The following RGS20 variants were observed in gnomAD, a reference collection of about 807,000 sequenced individuals.
RGS20 encodes the protein gz-selective GTPase-activating protein.
In RGS20, 30 loss-of-function variants were observed where a neutral mutation model predicts 33.6. The observed-to-expected ratio is 0.89, with a 90% CI of 0.67 to 1.21. RGS20 has a LOEUF of 1.21. RGS20 is among the 50% of genes most tolerant of loss of function. The pLI is 0.00. For missense variants in RGS20, 472 were observed against 502.4 expected (o/e 0.94, Z 0.58); for synonymous variants, 208 against 197.9 (o/e 1.05, Z -0.43).
At chr8:53,861,327 C>T (rs776485727) in intron 1 of RGS20, among the ~76,000 whole-genome samples, 7 of 152,202 alleles carry the variant, frequency 4.6e-5, no homozygotes, top group South Asian at 2.1e-4. Context: ...CTTGTGTGAC[C>T]CTCTGTCCTC....
At chr8:53,852,099 G>A (rs201943471) in intron 1 of RGS20, 25 of 1,545,944 alleles carry the variant, frequency 1.6e-5, no homozygotes, top group East Asian at 6.8e-5. Context: ...ATCCTTTCCC[G>A]TCAAGGGAAA....
At chr8:53,901,084 G>A in intron 2 of RGS20, among the ~76,000 whole-genome samples, 1 of 135,210 alleles carries the variant, frequency 7.4e-6, no homozygotes, top group African/African-American at 2.9e-5. Flanking sequence ...TTTTTTTTGA[G>A]ATGGAGTCTT....
chr8:53,880,955 TC>T lies in RGS20; in HGVS notation c.510+1354del. 1 of 1,568,854 alleles carries T rather than the reference TC, an allele frequency of 6.4e-7. No homozygotes were observed. The highest frequency in any genetic ancestry group is 1.3e-5 in the African/African-American group (1 of 74,074). ...GAAAGGCGAAAGGCGCGGTGAGCAATCGCCGACGTAGAGAGGGCAGCCCTCC... is the reference window on the plus strand; with the variant it reads ...GAAAGGCGAAAGGCGCGGTGAGCAATGCCGACGTAGAGAGGGCAGCCCTCC... On this transcript the variant is annotated intron_variant, in intron 2 of 5. The change creates a new upstream start codon in the 5' untranslated region. Transcript: ENST00000297313.
intron 4 of RGS20, among the ~76,000 whole-genome samples, chr8:53,951,791 C>T (rs1367373762): frequency 1.3e-5 from 2 of 151,896 alleles, no homozygotes; most frequent in African/African-American, 2.4e-5. Flanking sequence ...CCGAGGCAGG[C>T]GGATCACCTG....
intron 2 of RGS20, among the ~76,000 whole-genome samples, chr8:53,910,966 CAT>C (rs1370218952): frequency 6.6e-6 from 1 of 152,090 alleles, no homozygotes; most frequent in Non-Finnish European, 1.5e-5. Context: ...TGTAAAGAAA[CAT>C]ACAAACTAGT....
chr8:53,926,182 C>A (rs1035972339), intron 2 of RGS20, among the ~76,000 whole-genome samples: 4 of 152,146 alleles, frequency 2.6e-5, no homozygotes, highest in Non-Finnish European at 1.5e-5. Flanking sequence ...TGTACTGCAG[C>A]CTGGGCAACA....
intron 2 of RGS20, among the ~76,000 whole-genome samples, chr8:53,892,425 G>A (rs942113680): frequency 2.0e-5 from 3 of 152,234 alleles, no homozygotes; most frequent in Non-Finnish European, 2.9e-5. Context: ...CATTGTGGAA[G>A]TCAGTGTGGC....
At chr8:53,885,108 T>C (rs113346204) in intron 2 of RGS20, among the ~76,000 whole-genome samples, 173 of 152,366 alleles carry the variant, frequency 1.1e-3, no homozygotes, top group African/African-American at 3.9e-3. Flanking sequence ...TTTATTATTC[T>C]AGATTTTATG....
At chr8:53,855,343 A>G (rs1359496068) in intron 1 of RGS20, among the ~76,000 whole-genome samples, 1 of 152,144 alleles carries the variant, frequency 6.6e-6, no homozygotes, top group South Asian at 2.1e-4. Flanking sequence ...GGGATTACTG[A>G]CATAAGTCAC....
chr8:53,893,897 C>T (rs1009346827), intron 2 of RGS20, among the ~76,000 whole-genome samples: 1 of 152,026 alleles, frequency 6.6e-6, no homozygotes, highest in African/African-American at 2.4e-5. Flanking sequence ...AAAACTCACC[C>T]GAGCATGTTA....
In RGS20 at chr8:53,877,379, C is replaced by T. The variant is rs576333386; in HGVS notation, c.166-1879C>T. ...AGACGCGGCCGCCGGCCCGCAGTCC[C>T]CCGCAGGTGCCGCCCAGGACTAGCT... On this transcript the variant is annotated intron_variant, in intron 1 of 5. Coordinates refer to ENST00000297313, the MANE Select transcript of RGS20 (RefSeq NM_170587.4). The surrounding 1 kb of genome is among the most constrained non-coding windows in gnomAD (Gnocchi z 5.7). Among the ~76,000 whole-genome samples the T allele has an allele frequency of 6.6e-6, 1 of 152,192 alleles. No homozygotes were observed. The highest frequency in any genetic ancestry group is 2.4e-5 in the African/African-American group (1 of 41,460).
At chr8:53,914,007 TTC>T (rs1226287799) in intron 2 of RGS20, 1 of 152,034 alleles carries the variant, frequency 6.6e-6, no homozygotes, top group Non-Finnish European at 1.5e-5. Flanking sequence ...TTCCTCTTCC[TTC>T]TTTTCTTTTC....
At chr8:53,896,865 G>A (rs1585898079) in intron 2 of RGS20, among the ~76,000 whole-genome samples, 1 of 152,208 alleles carries the variant, frequency 6.6e-6, no homozygotes, top group African/African-American at 2.4e-5. Flanking sequence ...GGCTTTCAGA[G>A]ATTTCAAATT....
At chr8:53,879,160 A>G (rs1211973677) in intron 1 of RGS20, 8 of 981,944 alleles carry the variant, frequency 8.1e-6, no homozygotes, top group Non-Finnish European at 1.2e-5. Flanking sequence ...TTGCACCCCC[A>G]AAGTAACGCT....
chr8:53,946,481 T>G, intron 3 of RGS20, 184 bp from the exon 3 acceptor site: 1 of 686,948 alleles, frequency 1.5e-6, no homozygotes, highest in Admixed American at 2.3e-5. Flanking sequence ...TATTTATATT[T>G]CTAGTACCTT....
intron 2 of RGS20, among the ~76,000 whole-genome samples, chr8:53,923,391 T>C (rs893790003): frequency 2.0e-5 from 3 of 152,126 alleles, no homozygotes. Flanking sequence ...ACTCAAGAGT[T>C]TGAGACCAGC....
At chr8:53,931,973 C>T (rs6984470) in intron 2 of RGS20, among the ~76,000 whole-genome samples, 42,830 of 152,046 alleles carry the variant, frequency 0.28, 6,233 homozygotes, top group African/African-American at 0.35. Flanking sequence ...TCTCTCAGCA[C>T]TTGCCTGTCT....
At chr8:53,925,159 A>G (rs779101723) in intron 2 of RGS20, among the ~76,000 whole-genome samples, 11 of 152,142 alleles carry the variant, frequency 7.2e-5, no homozygotes, top group Non-Finnish European at 8.8e-5. Context: ...TTTGAACTCA[A>G]CTACATGTTT....
intron 2 of RGS20, among the ~76,000 whole-genome samples, chr8:53,881,951 G>A (rs995710903): frequency 1.3e-5 from 2 of 152,120 alleles, no homozygotes; most frequent in Non-Finnish European, 2.9e-5. Context: ...TGCAGCTGGG[G>A]ACCGCGGTGG....
Sources: gnomAD v4.1 joint callset for allele counts (sites outside exome capture counted in the v4.1 genomes callset) on GRCh38, gnomAD v4.1.1 for gene constraint, Gnocchi (gnomAD v3.1) non-coding constraint, MANE v1.5 for transcripts, NCBI Gene and HGNC (gene_info 2026-07-23, HGNC 2026-07-21) for gene names.